The following EFHD1 variants were observed in gnomAD, a reference collection of about 807,000 sequenced individuals.
EFHD1 encodes EF-hand domain family member D1.
EFHD1 carries 10 observed loss-of-function variants against 17.2 expected under a neutral mutation model. The ratio of observed to expected loss-of-function variants is 0.58; its 90% CI spans 0.36 to 0.99. The LOEUF is 0.99. Ranked by LOEUF, EFHD1 falls within the 50% of genes least tolerant of loss-of-function variation. EFHD1 has a pLI of 0.01. For synonymous variants in EFHD1, 153 were observed against 142.0 expected (o/e 1.08, Z -0.55); for missense variants, 310 against 327.5 (o/e 0.95, Z 0.41).
chr2:232,657,899 C>CTTTTTTTTTTTTTTTTTTT (rs1194396166), intron 1 of EFHD1, among the ~76,000 whole-genome samples: 1 of 100,660 alleles, frequency 9.9e-6, no homozygotes, highest in Non-Finnish European at 2.0e-5. Context: ...TCTTTCTTTT[C>CTTTTTTTTTTTTTTTTTTT]TTTTTTTTTT....
intron 1 of EFHD1, among the ~76,000 whole-genome samples, chr2:232,627,064 ATTTTTTTTT>A (rs56085382): frequency 2.4e-4 from 22 of 92,228 alleles, no homozygotes; most frequent in African/African-American, 8.5e-4. Context: ...ATATATATAT[ATTTTTTTTT>A]TTTTTTAATT....
intron 1 of EFHD1, among the ~76,000 whole-genome samples, chr2:232,652,969 ATTATAC>A (rs1165060949): frequency 6.6e-6 from 1 of 151,482 alleles, no homozygotes; most frequent in Non-Finnish European, 1.5e-5. Flanking sequence ...TTTTCTTTTT[ATTATAC>A]TTTTTGTTTG....
chr2:232,608,230 C>T lies in EFHD1; in HGVS notation c.14+2057C>T, dbSNP rs569370434. Reference sequence around the variant, plus strand: ...ACTAAAAATACAAAAATTAGCCTGGCGTGGTGGTGCACATCTGTAATCCCA... The same window carrying T: ...ACTAAAAATACAAAAATTAGCCTGGTGTGGTGGTGCACATCTGTAATCCCA... On this transcript the variant is annotated intron_variant, in intron 1 of 3. Transcript: ENST00000409613. 2.6e-5 allele frequency among the ~76,000 whole-genome samples: 4 copies of T among 152,090 alleles called. No individual in the cohort carries two copies. In the East Asian group the frequency reaches 5.8e-4, roughly 22 times the overall value.
chr2:232,616,691 G>A (rs1287106374), intron 1 of EFHD1, among the ~76,000 whole-genome samples: 1 of 152,194 alleles, frequency 6.6e-6, no homozygotes, highest in Non-Finnish European at 1.5e-5. Context: ...ATGGGGGATG[G>A]AGAGTGGGTA....
intron 1 of EFHD1, among the ~76,000 whole-genome samples, chr2:232,650,291 C>CTTTTT: frequency 7.9e-6 from 1 of 126,774 alleles, no homozygotes; most frequent in Non-Finnish European, 1.7e-5. Flanking sequence ...TCTGGGTTGC[C>CTTTTT]TTTTTTTTTT....
Position 232,662,883 on chromosome 2 carries a change from C to G in EFHD1, c.384C>G (p.His128Gln). 2.5e-6 allele frequency: 4 copies of G among 1,595,964 alleles called. No homozygotes were observed. The highest frequency in any genetic ancestry group is 3.4e-6 in the Non-Finnish European group (4 of 1,172,942). Residue 128 changes from histidine to glutamine, a missense_variant, in exon 2 of 4, where the codon CAC becomes CAG. By Grantham distance (24) the His-to-Gln change is conservative (BLOSUM62 0). Coordinates refer to ENST00000264059, the MANE Select transcript of EFHD1 (RefSeq NM_025202.4). ...MMEKLGAPQT[H>Q]LGLKSMIKEV... ...AGAAGCTGGGGGCCCCCCAGACCCA[C>G]CTGGGCCTGAAGAGCATGATCAAGG... is the stretch of plus-strand genomic sequence containing the variant.
At chr2:232,635,994 C>G (rs1414750401) in intron 1 of EFHD1, among the ~76,000 whole-genome samples, 2 of 152,216 alleles carry the variant, frequency 1.3e-5, no homozygotes, top group Non-Finnish European at 2.9e-5. Flanking sequence ...AAAGCCATCA[C>G]TAGCTTCAGG....
In EFHD1 at chr2:232,633,840, G is replaced by C. The variant is rs972320776; in HGVS notation, c.136G>C (p.Ala46Pro). Residue 46 changes from alanine (A) to proline (P), a missense_variant, in exon 1 of 4, where the codon GCG becomes CCG. Ala to Pro is a conservative substitution (Grantham distance 27). Coordinates refer to ENST00000264059, the MANE Select transcript of EFHD1 (RefSeq NM_025202.4). ...GCCCGAGCCCGAGCCTCCCGCCCGTGCGCCCACGGCCAGCGCCGACGCGGA... is the reference window on the plus strand; with the variant it reads ...GCCCGAGCCCGAGCCTCCCGCCCGTCCGCCCACGGCCAGCGCCGACGCGGA... Reference protein sequence around the residue: ...PKPEPEPPARAPTASADAELS... With the variant: ...PKPEPEPPARPPTASADAELS... The C allele has an allele frequency of 2.7e-6, 4 of 1,486,082 alleles. No homozygotes were observed. The highest frequency in any genetic ancestry group is 3.5e-6 in the Non-Finnish European group (4 of 1,127,410). 92.1% of individuals were successfully genotyped at this position (1,486,082 alleles called of 1,614,324 possible). A position where few individuals can be genotyped will look rare whatever the true frequency, so the allele number is the denominator to read the frequency against.
chr2:232,631,190 G>C (rs555217190), upstream of EFHD1, among the ~76,000 whole-genome samples: 1 of 151,972 alleles, frequency 6.6e-6, no homozygotes, highest in South Asian at 2.1e-4. Flanking sequence ...TCGCACCACT[G>C]CACTTCAGCC....
At chr2:232,641,890 C>T (rs1694438727) in intron 1 of EFHD1, among the ~76,000 whole-genome samples, 1 of 152,182 alleles carries the variant, frequency 6.6e-6, no homozygotes, top group East Asian at 1.9e-4. Flanking sequence ...TTCCAGGACC[C>T]CAGAGTTGCT....
chr2:232,621,277 C>T (rs1694012589), intron 1 of EFHD1, among the ~76,000 whole-genome samples: 1 of 152,070 alleles, frequency 6.6e-6, no homozygotes, highest in African/African-American at 2.4e-5. Context: ...CACAGAGAAT[C>T]TCTGGTGGCT....
intron 1 of EFHD1, among the ~76,000 whole-genome samples, chr2:232,610,321 G>T (rs1201590867): frequency 6.6e-6 from 1 of 152,196 alleles, no homozygotes; most frequent in Non-Finnish European, 1.5e-5. Context: ...TGGGGAGTAG[G>T]GGCAGGTGAG....
intron 1 of EFHD1, among the ~76,000 whole-genome samples, chr2:232,616,368 G>A (rs1041442998): frequency 2.0e-5 from 3 of 151,692 alleles, no homozygotes; most frequent in African/African-American, 4.8e-5. Context: ...GCACAATCTC[G>A]GCTCACGGCA....
upstream of EFHD1, among the ~76,000 whole-genome samples, chr2:232,630,480 G>C (rs1436866411): frequency 6.6e-6 from 1 of 152,142 alleles, no homozygotes; most frequent in Non-Finnish European, 1.5e-5. Context: ...GTCTAGGCTG[G>C]GTGCCTGGTG....
At chr2:232,620,126 C>T (rs940789881) in intron 1 of EFHD1, among the ~76,000 whole-genome samples, 13 of 151,254 alleles carry the variant, frequency 8.6e-5, no homozygotes, top group South Asian at 2.1e-4. Flanking sequence ...CGGTGGCTCA[C>T]GCCTGTAATC....
rs531297650 is a variant in EFHD1, at chr2:232,617,285, C to T, written c.14+11112C>T. Among the ~76,000 whole-genome samples the T allele has an allele frequency of 5.3e-5, 8 of 152,310 alleles. No individual in the cohort carries two copies. In the East Asian group the frequency reaches 7.7e-4, roughly 15 times the overall value. On this transcript the variant is annotated intron_variant, in intron 1 of 3. Transcript: ENST00000409613. The stretch of plus-strand genomic sequence containing the variant: ...TGAATTGCTTCTTTACTGCAATGTA[C>T]GTACTTTAACAAACTTCAGCATCAA...
intron 1 of EFHD1, among the ~76,000 whole-genome samples, chr2:232,607,356 C>T (rs1693736843): frequency 6.7e-6 from 1 of 150,312 alleles, no homozygotes; most frequent in African/African-American, 2.4e-5. Flanking sequence ...GGGGCCGAGG[C>T]GGGTGGGGAT....
intron 2 of EFHD1, among the ~76,000 whole-genome samples, chr2:232,665,316 C>T (rs907956034): frequency 6.6e-6 from 1 of 152,204 alleles, no homozygotes; most frequent in Admixed American, 6.5e-5. Flanking sequence ...AGGTGTCTTC[C>T]ATGGCAAGGA....
chr2:232,661,103 G>C (rs141275277), intron 1 of EFHD1, among the ~76,000 whole-genome samples: 3 of 151,832 alleles, frequency 2.0e-5, no homozygotes, highest in Admixed American at 2.0e-4. Context: ...AGCAGAGATC[G>C]TGCAGCTTCA....
Sources: gnomAD v4.1 joint callset for allele counts (sites outside exome capture counted in the v4.1 genomes callset) on GRCh38, gnomAD v4.1.1 for gene constraint, MANE v1.5 for transcripts, NCBI Gene and HGNC (gene_info 2026-07-23, HGNC 2026-07-21) for gene names.